The following CUX1 variants were observed in gnomAD, a reference collection of about 807,000 sequenced individuals.
The protein encoded by CUX1 is cut like homeobox 1, also known as protein CASP.
CUX1 carries 31 observed loss-of-function variants against 158.8 expected under a neutral mutation model. The observed-to-expected ratio is 0.20, with a 90% CI of 0.15 to 0.26. The LOEUF is 0.26. Among genes scored for constraint, CUX1 ranks in the 10% least tolerant of loss-of-function variants. CUX1 has a pLI of 1.00. For synonymous variants in CUX1, 879 were observed against 862.1 expected, an observed-to-expected ratio of 1.02 and a Z score of -0.34; for missense variants, 1,589 against 2,014.6, an observed-to-expected ratio of 0.79 and a Z score of 4.04.
intron 3 of CUX1, among the ~76,000 whole-genome samples, chr7:102,054,720 C>T (rs1823928197): frequency 6.6e-6 from 1 of 152,160 alleles, no homozygotes; most frequent in African/African-American, 2.4e-5. Context: ...GTGATTCTAA[C>T]ACTTTGGGAG....
In CUX1 at chr7:102,097,395, A is replaced by C. The variant is rs1554484593; in HGVS notation, c.300A>C (p.Gln100His). The change falls in exon 5 of 24, where the codon CAA becomes CAC. Residue 100 changes from glutamine to histidine, a missense_variant. By Grantham distance (24) the Gln-to-His change is conservative. This residue lies in a region of CUX1 where 515 missense variants were observed against 574.4 expected (regional missense o/e 0.90). Coordinates refer to ENST00000292535, the MANE Select transcript of CUX1 (RefSeq NM_181552.4). ...TACCAGCTTTGGATCTCGGACAGCAACTCCAGCTCAAAGTGCAGCGCCTGC... is the reference window on the plus strand; with the variant it reads ...TACCAGCTTTGGATCTCGGACAGCACCTCCAGCTCAAAGTGCAGCGCCTGC... ...DPVPALDLGQ[Q>H]LQLKVQRLHD... 6.2e-7 allele frequency: 1 copy of C among 1,611,356 alleles called. No individual in the cohort carries two copies. The highest frequency in any genetic ancestry group is 2.2e-5 in the East Asian group (1 of 44,834).
At chr7:102,083,457 C>T (rs1362397333) in intron 4 of CUX1, among the ~76,000 whole-genome samples, 3 of 146,730 alleles carry the variant, frequency 2.0e-5, no homozygotes, top group African/African-American at 7.3e-5. Flanking sequence ...CAGGCATGTG[C>T]CACCACACCC....
intron 9 of CUX1, among the ~76,000 whole-genome samples, chr7:102,169,328 C>T (rs1200535812): frequency 6.6e-6 from 1 of 152,196 alleles, no homozygotes; most frequent in Non-Finnish European, 1.5e-5. Flanking sequence ...CTCGGCTTCC[C>T]AAAGTGCCAG....
At chr7:102,063,641 C>T (rs1051158738) in intron 3 of CUX1, among the ~76,000 whole-genome samples, 1 of 152,126 alleles carries the variant, frequency 6.6e-6, no homozygotes, top group Non-Finnish European at 1.5e-5. Flanking sequence ...GATCCACCCA[C>T]CTTGGCCTCC....
Position 102,250,067 on chromosome 7 carries a change from A to T in CUX1, c.*1025A>T, listed in dbSNP as rs542635630. 2.0e-6 allele frequency: 2 copies of T among 985,110 alleles called. No homozygotes were observed. The highest frequency in any genetic ancestry group is 2.3e-4 in the East Asian group (2 of 8,806). The allele number at this position is 985,110 out of a possible 1,614,324, so 61.0% of individuals were successfully genotyped here. On this transcript the variant is annotated 3_prime_UTR_variant, in exon 24 of 24. Coordinates refer to ENST00000292535, the MANE Select transcript of CUX1 (RefSeq NM_181552.4). ...ACAAAAAAAAGAAAAAAAAAGAAAA[A>T]AAAAAAAGAAAAGATCCGAATCTAG... is the stretch of plus-strand genomic sequence containing the variant.
chr7:102,057,511 T>C (rs1403651494), intron 3 of CUX1, among the ~76,000 whole-genome samples: 3 of 152,060 alleles, frequency 2.0e-5, no homozygotes, highest in African/African-American at 7.3e-5. Flanking sequence ...TGGGAGGGGG[T>C]TGAAATAGCA....
chr7:102,283,140 T>C, exon 23 of CUX1: 1 of 1,429,208 alleles, frequency 7.0e-7, no homozygotes, highest in Non-Finnish European at 9.9e-7. Context: ...CCACCCCGAC[T>C]GCTCAGTGCA....
chr7:102,233,985 C>A, intron 21 of CUX1, 67 bp from the exon 22 acceptor site: 1 of 1,285,426 alleles, frequency 7.8e-7, no homozygotes. Context: ...AACCTTGACA[C>A]GTACTTGTCC....
rs58793343 is a variant in CUX1 at position 101,821,671 on chromosome 7, C to CTTTTTTTTTTTTTTTTTTTTTTT, written c.30+4006_30+4028dup. Reference sequence around the variant, plus strand: ...CTTTTCTTTTCTTTTTTTCTTTTTTCTTTTTTTTTTTTTTTTTTTTTTTTT... The same window carrying CTTTTTTTTTTTTTTTTTTTTTTT: ...CTTTTCTTTTCTTTTTTTCTTTTTTCTTTTTTTTTTTTTTTTTTTTTTTTTTTTTTTTTTTTTTTTTTTTTTTT... On this transcript the variant is annotated intron_variant, in intron 1 of 23. Coordinates refer to ENST00000292535, the MANE Select transcript of CUX1 (RefSeq NM_181552.4). 1.7e-3 allele frequency among the ~76,000 whole-genome samples: 86 copies of CTTTTTTTTTTTTTTTTTTTTTTT among 51,320 alleles called. 8 individuals are homozygous for CTTTTTTTTTTTTTTTTTTTTTTT. Among genetic ancestry groups the CTTTTTTTTTTTTTTTTTTTTTTT allele is most frequent in the South Asian group, 3.3e-3 (3 of 898 alleles). 33.7% of individuals were successfully genotyped at this position (51,320 alleles called of 152,430 possible).
In CUX1 at chr7:102,224,509, A is replaced by G. The variant is rs1045894665; in HGVS notation, c.3131-2858A>G. Among the ~76,000 whole-genome samples, 74 of 152,274 alleles carry G rather than the reference A, an allele frequency of 4.9e-4. 1 individual carries two copies. Among genetic ancestry groups the G allele is most frequent in the Non-Finnish European group, 9.3e-4 (63 of 68,022 alleles). On this transcript the variant is annotated intron_variant, in intron 20 of 23. Coordinates refer to ENST00000292535, the MANE Select transcript of CUX1 (RefSeq NM_181552.4). ...TTAGACTCAGATTGAGAGTGGAGAG[A>G]CAGATACAAGCCACCTCCAGCAACC... is the stretch of plus-strand genomic sequence containing the variant.
intron 4 of CUX1, among the ~76,000 whole-genome samples, chr7:102,080,768 G>A (rs1186137370): frequency 6.6e-6 from 1 of 152,162 alleles, no homozygotes; most frequent in Admixed American, 6.5e-5. Context: ...GGACCTCTCT[G>A]CACCGAGGCT....
chr7:101,907,103 AT>A (rs1802845526), intron 1 of CUX1, among the ~76,000 whole-genome samples: 2 of 152,246 alleles, frequency 1.3e-5, no homozygotes, highest in South Asian at 4.1e-4. Flanking sequence ...GTCTGAGAAC[AT>A]TTGGGAAATA....
At chr7:102,081,031 T>A (rs979963097) in intron 4 of CUX1, among the ~76,000 whole-genome samples, 1 of 152,288 alleles carries the variant, frequency 6.6e-6, no homozygotes, top group South Asian at 2.1e-4. Flanking sequence ...TCTGGCCACT[T>A]CGCTACTCCC....
intron 1 of CUX1, among the ~76,000 whole-genome samples, chr7:101,903,207 G>A (rs1802349547): frequency 6.6e-6 from 1 of 152,172 alleles, no homozygotes; most frequent in African/African-American, 2.4e-5. Flanking sequence ...ATCCTGGTAT[G>A]GGGGAACACA....
chr7:102,207,263 T>G (rs1317438531), intron 20 of CUX1, among the ~76,000 whole-genome samples: 1 of 152,174 alleles, frequency 6.6e-6, no homozygotes. Flanking sequence ...AAGTTGCCAG[T>G]GGTTTTTGTG....
At chr7:101,969,844 C>T (rs1294793867) in intron 2 of CUX1, among the ~76,000 whole-genome samples, 2 of 152,148 alleles carry the variant, frequency 1.3e-5, no homozygotes, top group East Asian at 1.9e-4. Flanking sequence ...AAAAAAGAGG[C>T]GCCTGATCTG....
chr7:102,149,887 C>T (rs782126806), intron 8 of CUX1, among the ~76,000 whole-genome samples: 19 of 152,092 alleles, frequency 1.2e-4, no homozygotes, highest in Non-Finnish European at 2.4e-4. Context: ...TCCAGCGAGC[C>T]CCACCTCTGT....
chr7:102,071,433 G>A (rs866196663), intron 4 of CUX1, among the ~76,000 whole-genome samples: 5 of 152,162 alleles, frequency 3.3e-5, no homozygotes, highest in Non-Finnish European at 5.9e-5. Context: ...TCTGGAGTAA[G>A]GTGATGGACA....
At chr7:102,274,433 C>G in intron 16 of CUX1, 1 of 765,756 alleles carries the variant, frequency 1.3e-6, no homozygotes, top group Non-Finnish European at 2.1e-6. Flanking sequence ...GCCCCCACGC[C>G]TGCAATGCAG....
Sources: gnomAD v4.1 joint callset for allele counts (sites outside exome capture counted in the v4.1 genomes callset) on GRCh38, gnomAD v4.1.1 for gene constraint, gnomAD v4.1.1 regional missense constraint, MANE v1.5 for transcripts, NCBI Gene and HGNC (gene_info 2026-07-23, HGNC 2026-07-21) for gene names.